RERE: variants seen among roughly 807,000 people sequenced by gnomAD.
RERE encodes the protein arginine-glutamic acid dipeptide repeats protein.
Under a neutral mutation model 146.1 loss-of-function variants are expected in RERE, and 40 were observed. The ratio of observed to expected loss-of-function variants is 0.27; its 90% CI spans 0.21 to 0.36. The LOEUF is 0.36. Ranked by LOEUF, RERE falls within the 10% of genes least tolerant of loss-of-function variation. RERE has a pLI of 1.00. For synonymous variants in RERE, 1,003 were observed against 866.0 expected (o/e 1.16, Z -2.78); for missense variants, 1,933 against 2,138.7 (o/e 0.90, Z 1.90).
At chr1:8,632,611 G>T (rs764037943) in intron 2 of RERE, among the ~76,000 whole-genome samples, 3 of 152,168 alleles carry the variant, frequency 2.0e-5, no homozygotes, top group African/African-American at 7.2e-5. Context: ...TCTATTCAAA[G>T]AAATTAATGA....
At chr1:8,641,290 G>T (rs1647173149) in intron 2 of RERE, among the ~76,000 whole-genome samples, 1 of 152,130 alleles carries the variant, frequency 6.6e-6, no homozygotes, top group Non-Finnish European at 1.5e-5. Context: ...AACTGATAGA[G>T]TATAACAGAT....
At chr1:8,690,772 T>C (rs1416279992) in intron 1 of RERE, among the ~76,000 whole-genome samples, 4 of 152,242 alleles carry the variant, frequency 2.6e-5, no homozygotes, top group Non-Finnish European at 5.9e-5. Context: ...AAGGAAAAAA[T>C]AGAAGAGGAG....
intron 12 of RERE, among the ~76,000 whole-genome samples, chr1:8,379,457 T>C (rs1210949986): frequency 6.6e-6 from 1 of 152,022 alleles, no homozygotes; most frequent in Non-Finnish European, 1.5e-5. Context: ...ACAGACACAC[T>C]GCAGTTGAGA....
rs1641265928 is a variant in RERE at position 8,786,719 on chromosome 1, T to A, written c.-145+30441A>T. The stretch of plus-strand genomic sequence containing the variant: ...CAGAAGTTGCCAGCTTTTCTTGCCA[T>A]CCTTGCCATTCGAATTTCAGTTCTG... On this transcript the variant is annotated intron_variant, in intron 1 of 22. Transcript: ENST00000400908. 6 of 787,266 alleles carry A rather than the reference T, an allele frequency of 7.6e-6. No individual in the cohort carries two copies. The Admixed American group carries it at 8.5e-5, about 11-fold the overall frequency. 48.8% of individuals were successfully genotyped at this position (787,266 alleles called of 1,614,324 possible).
chr1:8,364,272 G>C lies in RERE; in HGVS notation c.1541-17C>G, dbSNP rs952469975. Reference sequence around the variant, plus strand: ...CTTTGGAGGCTGTGTGAGGGAAGTGGTGGGGGCCAACCTTGGAAACCATCC... The same window carrying C: ...CTTTGGAGGCTGTGTGAGGGAAGTGCTGGGGGCCAACCTTGGAAACCATCC... On this transcript the variant is annotated splice_polypyrimidine_tract_variant and intron_variant, in intron 14 of 22. Coordinates refer to ENST00000400908, the MANE Select transcript of RERE (RefSeq NM_001042681.2). This position sits in a 1 kb window ranked among gnomAD's most constrained non-coding sequence, Gnocchi z 5.1. The C allele has an allele frequency of 5.0e-6, 8 of 1,612,336 alleles. No individual in the cohort carries two copies. Among genetic ancestry groups the C allele is most frequent in the Admixed American group, 3.3e-5 (2 of 60,022 alleles).
intron 7 of RERE, among the ~76,000 whole-genome samples, chr1:8,532,822 T>C (rs2124372501): frequency 6.6e-6 from 1 of 152,294 alleles, no homozygotes; most frequent in South Asian, 2.1e-4. Flanking sequence ...CTTGAACTCC[T>C]GACCTCGGGT....
intron 1 of RERE, among the ~76,000 whole-genome samples, chr1:8,680,702 A>C (rs1638945283): frequency 6.6e-6 from 1 of 152,196 alleles, no homozygotes; most frequent in South Asian, 2.1e-4. Flanking sequence ...CTTTAGAGAA[A>C]AGAAAGCACT....
At chr1:8,440,955 T>A (rs1248700618) in intron 11 of RERE, among the ~76,000 whole-genome samples, 2 of 135,986 alleles carry the variant, frequency 1.5e-5, no homozygotes, top group Non-Finnish European at 1.5e-5. Flanking sequence ...ACACACTAAA[T>A]AACAAGAGCT....
intron 12 of RERE, among the ~76,000 whole-genome samples, chr1:8,416,332 T>C (rs1643758388): frequency 6.6e-6 from 1 of 152,094 alleles, no homozygotes; most frequent in South Asian, 2.1e-4. Flanking sequence ...ACACCTGTAA[T>C]CCCAGCACTT....
At position 8,656,143 on chromosome 1, in the gene RERE, T is replaced by G; in HGVS notation, c.155A>C (p.Glu52Ala). Residue 52 changes from glutamate (E) to alanine (A), a missense_variant, in exon 2 of 23, where the codon GAG becomes GCG. By Grantham distance (107) the Glu-to-Ala change is moderately radical. Coordinates refer to ENST00000400908, the MANE Select transcript of RERE (RefSeq NM_001042681.2). ...GTCCTCGTCTTCACTGTGATCACTC[T>G]CAGCATAATTTTTGGCTCCTCCTTC... ...TLEGGAKNYAESDHSEDEDND... is the reference protein window; with the variant it reads ...TLEGGAKNYAASDHSEDEDND... The G allele has an allele frequency of 6.2e-7, 1 of 1,614,086 alleles. No homozygotes were observed. Among genetic ancestry groups the G allele is most frequent in the Non-Finnish European group, 8.5e-7 (1 of 1,179,934 alleles).
At chr1:8,457,189 G>A (rs1644461960) in intron 11 of RERE, among the ~76,000 whole-genome samples, 2 of 152,184 alleles carry the variant, frequency 1.3e-5, no homozygotes, top group Non-Finnish European at 2.9e-5. Flanking sequence ...AACAATCACA[G>A]GAAGAGCCAA....
intron 4 of RERE, among the ~76,000 whole-genome samples, chr1:8,560,665 A>G (rs1487031916): frequency 6.6e-6 from 1 of 152,242 alleles, no homozygotes; most frequent in Non-Finnish European, 1.5e-5. Flanking sequence ...GAAAGCATCT[A>G]GAACTGAGTA....
intron 3 of RERE, among the ~76,000 whole-genome samples, chr1:8,623,326 C>G (rs571872914): frequency 1.3e-5 from 2 of 152,222 alleles, no homozygotes; most frequent in South Asian, 4.1e-4. Context: ...TGGCACGCAC[C>G]TGTAATCCCA....
At chr1:8,593,841 GT>G (rs1646523613) in intron 4 of RERE, among the ~76,000 whole-genome samples, 1 of 152,188 alleles carries the variant, frequency 6.6e-6, no homozygotes. Context: ...TTTAGGGGCT[GT>G]GGCTCCAGCC....
intron 1 of RERE, among the ~76,000 whole-genome samples, chr1:8,737,993 A>G (rs1002276894): frequency 2.0e-5 from 3 of 152,232 alleles, no homozygotes; most frequent in Admixed American, 2.0e-4. Flanking sequence ...TGTGGAATAT[A>G]AGGATGCAGA....
chr1:8,690,041 T>C (rs1321232948), intron 1 of RERE, among the ~76,000 whole-genome samples: 1 of 152,216 alleles, frequency 6.6e-6, no homozygotes, highest in East Asian at 1.9e-4. Context: ...AGTAACATAC[T>C]GATCATCTTC....
At chr1:8,500,923 C>T (rs1331568115) in intron 8 of RERE, among the ~76,000 whole-genome samples, 1 of 151,052 alleles carries the variant, frequency 6.6e-6, no homozygotes, top group Non-Finnish European at 1.5e-5. Flanking sequence ...GTGAGGAAAC[C>T]CTCTGCCTGG....
intron 1 of RERE, among the ~76,000 whole-genome samples, chr1:8,736,872 A>T (rs1305353778): frequency 5.5e-5 from 8 of 145,912 alleles, no homozygotes; most frequent in Admixed American, 1.4e-4. Context: ...AAAAAAAAAA[A>T]AAACTAAAAC....
intron 1 of RERE, among the ~76,000 whole-genome samples, chr1:8,692,085 C>A (rs1482869725): frequency 6.6e-6 from 1 of 152,076 alleles, no homozygotes; most frequent in African/African-American, 2.4e-5. Flanking sequence ...CAAATAAGGA[C>A]CTTAGCAGAA....
Sources: gnomAD v4.1 joint callset for allele counts (sites outside exome capture counted in the v4.1 genomes callset) on GRCh38, gnomAD v4.1.1 for gene constraint, Gnocchi (gnomAD v3.1) non-coding constraint, MANE v1.5 for transcripts, NCBI Gene and HGNC (gene_info 2026-07-23, HGNC 2026-07-21) for gene names.